Variants in FAM149B1 observed in about 807,000 individuals in gnomAD.
FAM149B1 encodes family with sequence similarity 149 member B1, also known as primary cilium assembly protein FAM149B1.
FAM149B1 carries 56 observed loss-of-function variants against 75.3 expected under a neutral mutation model. That is an observed-to-expected ratio of 0.74 (90% CI 0.60 to 0.93). FAM149B1 has a LOEUF of 0.93. Ranked by LOEUF, FAM149B1 falls within the 40% of genes least tolerant of loss-of-function variation. The probability of loss-of-function intolerance (pLI) is 0.00; values close to 1 mark genes in which losing one functional copy is unlikely to be tolerated. For synonymous variants in FAM149B1, 259 were observed against 256.1 expected, an observed-to-expected ratio of 1.01 and a Z score of -0.11; for missense variants, 639 against 708.4, an observed-to-expected ratio of 0.90 and a Z score of 1.11.
chr10:73,207,371 C>G (rs1288349380), intron 5 of FAM149B1, among the ~76,000 whole-genome samples: 2 of 152,056 alleles, frequency 1.3e-5, no homozygotes, highest in Non-Finnish European at 2.9e-5. Flanking sequence ...CGAGACCAGC[C>G]TGGCCAACAT....
chr10:73,239,138 G>C, intron 12 of FAM149B1, 174 bp from the exon 13 acceptor site: 1 of 545,662 alleles, frequency 1.8e-6, no homozygotes, highest in Non-Finnish European at 3.3e-6. Context: ...TGGGCATCTG[G>C]CTTGGGATTT....
intron 7 of FAM149B1, among the ~76,000 whole-genome samples, chr10:73,226,099 A>T (rs1006911168): frequency 7.0e-6 from 1 of 143,166 alleles, no homozygotes; most frequent in Admixed American, 7.0e-5. Flanking sequence ...TACCACAATA[A>T]TTTTTTTTTT....
At chr10:73,199,197 TTTGTTGTTGTTGTTGTTG>T (rs3998310) in intron 5 of FAM149B1, among the ~76,000 whole-genome samples, 3 of 146,452 alleles carry the variant, frequency 2.0e-5, no homozygotes, top group African/African-American at 7.6e-5. Flanking sequence ...GTTATCCTTT[TTTGTTGTTGTTGTTGTTG>T]TTGTTGTTGT....
intron 7 of FAM149B1, among the ~76,000 whole-genome samples, chr10:73,221,199 C>G (rs1347396071): frequency 1.3e-5 from 2 of 152,076 alleles, no homozygotes; most frequent in Non-Finnish European, 2.9e-5. Flanking sequence ...AATGATTGCA[C>G]AACATTGTGA....
At chr10:73,170,024 ATAT>A (rs1260481915) in intron 1 of FAM149B1, among the ~76,000 whole-genome samples, 1 of 142,834 alleles carries the variant, frequency 7.0e-6, no homozygotes, top group African/African-American at 2.8e-5. Flanking sequence ...TTAACTATTA[ATAT>A]TAATTATTAA....
intron 5 of FAM149B1, among the ~76,000 whole-genome samples, chr10:73,194,457 G>A (rs1422325894): frequency 6.6e-6 from 1 of 151,086 alleles, no homozygotes. Context: ...CAGTGGCGCA[G>A]TCTTGGCTCA....
At chr10:73,230,297 A>C (rs895184473) in intron 8 of FAM149B1, 125 bp from the exon 9 acceptor site, 2 of 614,920 alleles carry the variant, frequency 3.3e-6, no homozygotes, top group Non-Finnish European at 5.8e-6. Flanking sequence ...AGATGTTATA[A>C]AAATTAAAGC....
intron 7 of FAM149B1, among the ~76,000 whole-genome samples, chr10:73,212,332 G>C (rs1369599795): frequency 6.6e-6 from 1 of 152,186 alleles, no homozygotes; most frequent in African/African-American, 2.4e-5. Context: ...CCAGGCTGGA[G>C]TGCAGTGGTG....
intron 5 of FAM149B1, among the ~76,000 whole-genome samples, chr10:73,203,175 C>T (rs1326094389): frequency 6.6e-6 from 1 of 152,124 alleles, no homozygotes; most frequent in Non-Finnish European, 1.5e-5. Flanking sequence ...TCGCTTTCCA[C>T]GTAGCAGAAA....
intron 3 of FAM149B1, among the ~76,000 whole-genome samples, chr10:73,178,395 G>A (rs1051234750): frequency 2.0e-5 from 3 of 152,060 alleles, no homozygotes; most frequent in Admixed American, 6.5e-5. Context: ...AGAGGCTGAG[G>A]CAGGAGAATG....
In FAM149B1 at chr10:73,168,331, A is replaced by T; in HGVS notation, c.-9A>T. 6.5e-7 allele frequency: 1 copy of T among 1,549,460 alleles called. No homozygotes were observed. The highest frequency in any genetic ancestry group is 8.7e-7 in the Non-Finnish European group (1 of 1,146,738). On this transcript the variant is annotated 5_prime_UTR_variant, in exon 1 of 14. Coordinates refer to ENST00000242505, the MANE Select transcript of FAM149B1 (RefSeq NM_173348.2). ...GCTGAGGAGGAGGAGGAGGAGGAGGAGGAGGAGGATGATCTCCAGATACAC... is the reference window on the plus strand; with the variant it reads ...GCTGAGGAGGAGGAGGAGGAGGAGGTGGAGGAGGATGATCTCCAGATACAC...
intron 7 of FAM149B1, among the ~76,000 whole-genome samples, chr10:73,216,561 G>A (rs12252581): frequency 0.014 from 2,172 of 152,264 alleles, 47 homozygotes; most frequent in African/African-American, 0.045. Context: ...TGACCACAGA[G>A]GATGGGACCT....
chr10:73,206,326 G>T (rs1240932881), intron 5 of FAM149B1, among the ~76,000 whole-genome samples: 1 of 152,172 alleles, frequency 6.6e-6, no homozygotes, highest in Non-Finnish European at 1.5e-5. Context: ...TGGGAGCAAA[G>T]AAATGACTTA....
chr10:73,179,694 CCTG>C (rs1446461065), intron 3 of FAM149B1, among the ~76,000 whole-genome samples: 2 of 151,998 alleles, frequency 1.3e-5, no homozygotes, highest in Non-Finnish European at 2.9e-5. Flanking sequence ...CAGCCAGAAA[CCTG>C]CTTTTTTTTT....
chr10:73,213,466 G>A, intron 7 of FAM149B1, among the ~76,000 whole-genome samples: 1 of 152,086 alleles, frequency 6.6e-6, no homozygotes, highest in East Asian at 1.9e-4. Context: ...CAGGTCTTGG[G>A]TTTAAGTCTT....
At chr10:73,223,735 T>TG (rs2133388058) in intron 7 of FAM149B1, among the ~76,000 whole-genome samples, 1 of 44,634 alleles carries the variant, frequency 2.2e-5, no homozygotes, top group African/African-American at 5.2e-5. Context: ...GTGTGTTAGG[T>TG]TTTTTTTTTT....
chr10:73,200,579 C>G (rs1479083347), intron 5 of FAM149B1: 1 of 740,140 alleles, frequency 1.4e-6, no homozygotes, highest in Non-Finnish European at 2.2e-6. Context: ...AATGTTCAGC[C>G]AAGGGTTTAA....
At chr10:73,223,960 C>T (rs755725884) in intron 7 of FAM149B1, among the ~76,000 whole-genome samples, 8 of 152,124 alleles carry the variant, frequency 5.3e-5, no homozygotes, top group Non-Finnish European at 7.4e-5. Context: ...TCTTATTTCA[C>T]CTTTCACAAT....
intron 3 of FAM149B1, among the ~76,000 whole-genome samples, chr10:73,183,851 A>G (rs1466784293): frequency 6.6e-6 from 1 of 152,216 alleles, no homozygotes; most frequent in African/African-American, 2.4e-5. Context: ...ACTGTTGGAG[A>G]AGGCTCAGTA....
Sources: allele counts gnomAD v4.1 joint callset (sites outside exome capture counted in the v4.1 genomes callset), GRCh38; gene constraint gnomAD v4.1.1; transcripts MANE v1.5; gene names NCBI Gene and HGNC (gene_info 2026-07-23, HGNC 2026-07-21).